CCDC146: variants seen among roughly 807,000 people sequenced by gnomAD.
CCDC146 encodes the protein coiled-coil domain containing 146.
Under a neutral mutation model 119.3 loss-of-function variants are expected in CCDC146, and 92 were observed. The ratio of observed to expected loss-of-function variants is 0.77; its 90% confidence interval spans 0.65 to 0.92. The LOEUF is 0.92. CCDC146 is among the 40% of genes least tolerant of loss of function. The pLI is 0.00. For missense variants in CCDC146, 1,000 were observed against 1,103.0 expected, an observed-to-expected ratio of 0.91 and a Z score of 1.32; for synonymous variants, 372 against 371.8, an observed-to-expected ratio of 1.00 and a Z score of -0.01.
chr7:77,147,653 G>T (rs1239506232), intron 1 of CCDC146, among the ~76,000 whole-genome samples: 1 of 152,186 alleles, frequency 6.6e-6, no homozygotes, highest in African/African-American at 2.4e-5. Flanking sequence ...CTGCAGGTCT[G>T]TTGGAGTTTG....
chr7:77,212,950 A>AT (rs5885013), intron 2 of CCDC146, among the ~76,000 whole-genome samples: 5,289 of 111,164 alleles, frequency 0.048, 207 homozygotes, highest in Middle Eastern at 0.077. Flanking sequence ...GGTCACATTA[A>AT]TTTTTTTTTT....
At chr7:77,128,439 A>G (rs1289206428) in intron 1 of CCDC146, among the ~76,000 whole-genome samples, 1 of 151,872 alleles carries the variant, frequency 6.6e-6, no homozygotes, top group Non-Finnish European at 1.5e-5. Flanking sequence ...GTATGAATAA[A>G]GTCTAAAGAA....
intron 2 of CCDC146, among the ~76,000 whole-genome samples, chr7:77,200,618 C>T (rs1791969835): frequency 6.6e-6 from 1 of 152,202 alleles, no homozygotes; most frequent in African/African-American, 2.4e-5. Context: ...CTTCTCTTGC[C>T]TACAGCATCT....
chr7:77,177,799 C>T (rs987685668), intron 2 of CCDC146, among the ~76,000 whole-genome samples: 1 of 152,256 alleles, frequency 6.6e-6, no homozygotes, highest in East Asian at 1.9e-4. Flanking sequence ...TTCGCTTTTC[C>T]TTCAGACATC....
chr7:77,273,800 A>G lies in CCDC146; in HGVS notation c.1269+11A>G. ...AATTTGGCCCAACAGGTTAATATCA[A>G]TGCTCATTTAAGCTTCTATCTAAGA... On this transcript the variant is annotated intron_variant, in intron 10 of 18. Coordinates refer to ENST00000285871, the MANE Select transcript of CCDC146 (RefSeq NM_020879.3). 1.3e-6 allele frequency: 2 copies of G among 1,552,806 alleles called. No individual in the cohort carries two copies. The highest frequency in any genetic ancestry group is 1.8e-6 in the Non-Finnish European group (2 of 1,126,492).
intron 2 of CCDC146, among the ~76,000 whole-genome samples, chr7:77,218,293 AT>A (rs1289634943): frequency 6.7e-6 from 1 of 149,944 alleles, no homozygotes; most frequent in Non-Finnish European, 1.5e-5. Flanking sequence ...TTATATATAA[AT>A]TTTATATATT....
intron 1 of CCDC146, among the ~76,000 whole-genome samples, chr7:77,160,998 A>T (rs552499904): frequency 6.6e-6 from 1 of 152,368 alleles, no homozygotes; most frequent in African/African-American, 2.4e-5. Context: ...ACACTTCACA[A>T]AAGAAGACAT....
chr7:77,181,634 G>A (rs1791591481), intron 2 of CCDC146, among the ~76,000 whole-genome samples: 1 of 152,106 alleles, frequency 6.6e-6, no homozygotes, highest in Admixed American at 6.6e-5. Context: ...TTTCCACTGG[G>A]AAGTTTAGTT....
intron 4 of CCDC146, among the ~76,000 whole-genome samples, chr7:77,247,870 A>T (rs941734494): frequency 6.6e-6 from 1 of 152,254 alleles, no homozygotes; most frequent in Non-Finnish European, 1.5e-5. Flanking sequence ...TATGGAAAAC[A>T]GCATGGATAT....
chr7:77,182,719 TG>T (rs1641550616), intron 2 of CCDC146, among the ~76,000 whole-genome samples: 1 of 152,116 alleles, frequency 6.6e-6, no homozygotes. Context: ...GACTTGAGCC[TG>T]GGAGACAGAG....
intron 2 of CCDC146, among the ~76,000 whole-genome samples, chr7:77,188,069 T>C (rs1791700098): frequency 6.6e-6 from 1 of 152,228 alleles, no homozygotes; most frequent in African/African-American, 2.4e-5. Flanking sequence ...TCGCTTCCGA[T>C]TCCTGTACGT....
intron 1 of CCDC146, among the ~76,000 whole-genome samples, chr7:77,142,599 G>A (rs1221366495): frequency 6.6e-6 from 1 of 150,450 alleles, no homozygotes; most frequent in Non-Finnish European, 1.5e-5. Flanking sequence ...GGTGTGTGAT[G>A]TTCCCCTTCC....
At chr7:77,127,085 C>T (rs1354230425) in intron 1 of CCDC146, among the ~76,000 whole-genome samples, 2 of 152,126 alleles carry the variant, frequency 1.3e-5, no homozygotes, top group African/African-American at 2.4e-5. Flanking sequence ...GGGGGCCTTC[C>T]GGGGCACCAG....
chr7:77,290,130 C>G (rs1584151484), intron 17 of CCDC146, among the ~76,000 whole-genome samples: 3 of 151,170 alleles, frequency 2.0e-5, no homozygotes, highest in African/African-American at 7.3e-5. Flanking sequence ...TCTCAGCAAA[C>G]TATCACAAGG....
rs1791953715 is a variant in CCDC146 at position 77,199,847 on chromosome 7, A to C, written c.156+32023A>C. The C allele has an allele frequency of 3.2e-6, 5 of 1,555,954 alleles. No individual in the cohort carries two copies. The East Asian group carries it at 1.1e-4, about 35-fold the overall frequency. ...AGTGCGCAGGGCTGGAGCTGCTTTA[A>C]TAGCGGCAGCTGCCTGAGTCAGGCT... On this transcript the variant is annotated intron_variant, in intron 2 of 18. Coordinates refer to ENST00000285871, the MANE Select transcript of CCDC146 (RefSeq NM_020879.3).
chr7:77,269,608 A>G (rs907741328), intron 9 of CCDC146, among the ~76,000 whole-genome samples: 4 of 152,246 alleles, frequency 2.6e-5, no homozygotes, highest in African/African-American at 7.2e-5. Context: ...TGGAATGCGC[A>G]CAAGTTGTTC....
chr7:77,196,254 T>C lies in CCDC146; in HGVS notation c.156+28430T>C. ...ATTAATTGCCCTATTAGATAACGAA[T>C]ACCTGGAGGAATGAACAGAGTGATT... On this transcript the variant is annotated intron_variant, in intron 2 of 18. Coordinates refer to ENST00000285871, the MANE Select transcript of CCDC146 (RefSeq NM_020879.3). The surrounding 1 kb of genome is among the most constrained non-coding windows in gnomAD (Gnocchi z 4.2). 1 of 1,545,608 alleles carries C rather than the reference T, an allele frequency of 6.5e-7. No homozygotes were observed. Among genetic ancestry groups the C allele is most frequent in the Non-Finnish European group, 8.9e-7 (1 of 1,128,572 alleles).
chr7:77,186,550 T>A (rs920717686), intron 2 of CCDC146, among the ~76,000 whole-genome samples: 2 of 151,900 alleles, frequency 1.3e-5, no homozygotes, highest in African/African-American at 4.8e-5. Flanking sequence ...AAAATAAAAA[T>A]AATGAACGAG....
chr7:77,141,533 C>G (rs1790933460), intron 1 of CCDC146, among the ~76,000 whole-genome samples: 4 of 152,188 alleles, frequency 2.6e-5, no homozygotes, highest in Non-Finnish European at 5.9e-5. Context: ...ACACTCCCAC[C>G]AACACAGTAA....
Sources: gnomAD v4.1 joint callset for allele counts (sites outside exome capture counted in the v4.1 genomes callset) on GRCh38, gnomAD v4.1.1 for gene constraint, Gnocchi (gnomAD v3.1) non-coding constraint, MANE v1.5 for transcripts, NCBI Gene and HGNC (gene_info 2026-07-23, HGNC 2026-07-21) for gene names.